Variants in MBOAT2 observed in about 807,000 individuals in gnomAD.
MBOAT2 encodes the protein membrane-bound glycerophospholipid O-acyltransferase 2.
A neutral mutation model predicts 63.4 loss-of-function variants in MBOAT2; 28 were observed. The observed-to-expected ratio is 0.44, with a 90% confidence interval of 0.33 to 0.61. The LOEUF (loss-of-function observed/expected upper bound fraction) is 0.61. MBOAT2 is among the 20% of genes least tolerant of loss of function. MBOAT2 has a pLI of 0.03. For synonymous variants in MBOAT2, 211 were observed against 215.6 expected (o/e 0.98, Z 0.19); for missense variants, 470 against 605.8 (o/e 0.78, Z 2.35).
rs913740780 is a variant in MBOAT2, at chr2:8,873,184, C to T, written c.807G>A (p.Ser269=). Residue 269 remains serine, a synonymous_variant, in exon 8 of 13, where the codon TCG becomes TCA. Coordinates refer to ENST00000305997, the MANE Select transcript of MBOAT2 (RefSeq NM_138799.4). ...NIDEHFQATA[S]WPTKIIYLYI... ...ACAGATAGATAATCTTTGTTGGCCA[C>T]GAAGCTGTAGCTTGAAAATGCTCAT... The T allele has an allele frequency of 2.4e-5, 39 of 1,613,994 alleles. No individual in the cohort carries two copies. Among genetic ancestry groups the T allele is most frequent in the Admixed American group, 2.0e-4 (12 of 59,994 alleles).
chr2:8,983,038 G>T (rs1405151783), intron 1 of MBOAT2, among the ~76,000 whole-genome samples: 1 of 152,114 alleles, frequency 6.6e-6, no homozygotes, highest in Non-Finnish European at 1.5e-5. Flanking sequence ...TCCGCAGTCA[G>T]AGAGACTCAT....
At chr2:8,922,683 A>G (rs1666664121) in intron 3 of MBOAT2, among the ~76,000 whole-genome samples, 1 of 152,238 alleles carries the variant, frequency 6.6e-6, no homozygotes, top group South Asian at 2.1e-4. Context: ...AGAGCTGTTC[A>G]AAGTTCCATC....
At chr2:8,946,843 CCCCAT>C (rs1246611520) in intron 2 of MBOAT2, among the ~76,000 whole-genome samples, 2 of 152,168 alleles carry the variant, frequency 1.3e-5, no homozygotes, top group Non-Finnish European at 2.9e-5. Context: ...CCTGAGGCTT[CCCCAT>C]TCCGGAGAGA....
chr2:8,961,914 C>A lies in MBOAT2; in HGVS notation c.76-3272G>T, dbSNP rs530580459. 1.1e-3 allele frequency among the ~76,000 whole-genome samples: 161 copies of A among 152,236 alleles called. 1 individual carries two copies. The highest frequency in any genetic ancestry group is 3.6e-3 in the African/African-American group (151 of 41,544). ...GCCAGGCTCCCTGCCCAGATTCATG[C>A]CAAGGCCATACTCCCTACAGCCTGT... is the stretch of plus-strand genomic sequence containing the variant. On this transcript the variant is annotated intron_variant, in intron 1 of 12. Transcript: ENST00000305997.
intron 1 of MBOAT2, among the ~76,000 whole-genome samples, chr2:8,973,857 TG>T (rs1158699998): frequency 6.6e-6 from 1 of 152,156 alleles, no homozygotes; most frequent in Non-Finnish European, 1.5e-5. Flanking sequence ...ACATTGTTGG[TG>T]GAAGTATTTA....
chr2:8,870,882 T>C (rs770597510), intron 8 of MBOAT2, among the ~76,000 whole-genome samples: 3 of 152,228 alleles, frequency 2.0e-5, no homozygotes, highest in Non-Finnish European at 2.9e-5. Flanking sequence ...TTTGTAAATA[T>C]GTAAAAATGC....
intron 1 of MBOAT2, among the ~76,000 whole-genome samples, chr2:8,996,013 C>A (rs1459193795): frequency 6.6e-6 from 1 of 152,174 alleles, no homozygotes; most frequent in South Asian, 2.1e-4. Flanking sequence ...ATGCAGACTC[C>A]CTGGCCCTCA....
rs541843998 is a variant in MBOAT2, at chr2:8,889,719, G to A, written c.396-1646C>T. ...TTCAGTTCTAAATTCTAATTTCCAC[G>A]TCACCTTAAAACATAGTAACAACTG... On this transcript the variant is annotated intron_variant, in intron 4 of 12. Transcript: ENST00000305997. Among the ~76,000 whole-genome samples the A allele has an allele frequency of 4.6e-5, 7 of 152,072 alleles. No homozygotes were observed. The East Asian group carries it at 7.7e-4, about 17-fold the overall frequency.
In MBOAT2 at chr2:8,977,779, C is replaced by T. The variant is rs540255464; in HGVS notation, c.76-19137G>A. ...TGGCCACAAGGGAACTGCTGATTCC[C>T]CTCACCACCAACTTCTCCTCCAAGT... On this transcript the variant is annotated intron_variant, in intron 1 of 12. Coordinates refer to ENST00000305997, the MANE Select transcript of MBOAT2 (RefSeq NM_138799.4). Among the ~76,000 whole-genome samples the T allele has an allele frequency of 1.4e-4, 22 of 152,196 alleles. No individual in the cohort carries two copies. The East Asian group carries it at 2.7e-3, about 19-fold the overall frequency.
chr2:8,868,125 C>T (rs1005790696), intron 9 of MBOAT2, among the ~76,000 whole-genome samples: 1 of 152,134 alleles, frequency 6.6e-6, no homozygotes, highest in Admixed American at 6.6e-5. Flanking sequence ...CTCTCTTCCC[C>T]CAAACACCTC....
At chr2:8,930,957 T>TC (rs1667276360) in intron 3 of MBOAT2, among the ~76,000 whole-genome samples, 1 of 152,048 alleles carries the variant, frequency 6.6e-6, no homozygotes, top group South Asian at 2.1e-4. Flanking sequence ...AGCCTGCAGC[T>TC]TTTTTTTCTC....
At chr2:8,958,818 T>G (rs1669408226) in intron 1 of MBOAT2, among the ~76,000 whole-genome samples, 176 bp from the exon 2 acceptor site, 1 of 152,098 alleles carries the variant, frequency 6.6e-6, no homozygotes, top group African/African-American at 2.4e-5. Context: ...AAGTTCCAAG[T>G]GATGGGCCAA....
intron 2 of MBOAT2, among the ~76,000 whole-genome samples, chr2:8,945,953 C>A (rs774801498): frequency 2.6e-5 from 4 of 152,126 alleles, no homozygotes; most frequent in Non-Finnish European, 4.4e-5. Context: ...GTCAATGAGA[C>A]CGTTTATGTC....
intron 3 of MBOAT2, among the ~76,000 whole-genome samples, chr2:8,936,833 A>G (rs542937858): frequency 6.9e-6 from 1 of 144,002 alleles, no homozygotes; most frequent in African/African-American, 2.9e-5. Flanking sequence ...AAAAAAAAAG[A>G]AAGAAAGAAA....
intron 1 of MBOAT2, among the ~76,000 whole-genome samples, chr2:8,962,915 TC>T (rs1388251058): frequency 2.0e-5 from 3 of 151,992 alleles, no homozygotes; most frequent in African/African-American, 7.3e-5. Context: ...TAGAAAGAAC[TC>T]CTAAACGCCA....
chr2:8,953,683 G>T (rs778250879), intron 2 of MBOAT2, among the ~76,000 whole-genome samples: 1 of 152,062 alleles, frequency 6.6e-6, no homozygotes, highest in Non-Finnish European at 1.5e-5. Context: ...CCAAAGACTC[G>T]TCTTCAAGCT....
At chr2:8,959,713 T>C (rs556558677) in intron 1 of MBOAT2, among the ~76,000 whole-genome samples, 336 of 152,300 alleles carry the variant, frequency 2.2e-3, no homozygotes, top group African/African-American at 7.6e-3. Flanking sequence ...TCTGCCTGCC[T>C]CTGCCTCCCA....
chr2:8,899,328 A>G (rs558585431), intron 4 of MBOAT2, among the ~76,000 whole-genome samples: 144 of 152,342 alleles, frequency 9.5e-4, no homozygotes, highest in Non-Finnish European at 1.7e-3. Context: ...AAGTCTCCCA[A>G]TTACAACTGA....
chr2:8,952,082 C>A (rs558762904), intron 2 of MBOAT2, among the ~76,000 whole-genome samples: 1 of 152,170 alleles, frequency 6.6e-6, no homozygotes, highest in Admixed American at 6.5e-5. Flanking sequence ...CCTCTTAACA[C>A]GCTTTTGCTG....
Sources: gnomAD v4.1 joint callset for allele counts (sites outside exome capture counted in the v4.1 genomes callset) on GRCh38, gnomAD v4.1.1 for gene constraint, MANE v1.5 for transcripts, NCBI Gene and HGNC (gene_info 2026-07-23, HGNC 2026-07-21) for gene names.